Variants in GRK5 observed in about 807,000 individuals in gnomAD.
The protein encoded by GRK5 is G protein-coupled receptor kinase 5.
Under a neutral mutation model 78.4 loss-of-function variants are expected in GRK5, and 40 were observed. The ratio of observed to expected loss-of-function variants is 0.51; its 90% CI spans 0.40 to 0.66. The LOEUF (loss-of-function observed/expected upper bound fraction) is 0.66. Ranked by LOEUF, GRK5 falls within the 30% of genes least tolerant of loss-of-function variation. GRK5 has a pLI of 0.00. For missense variants in GRK5, 598 were observed against 759.9 expected, an observed-to-expected ratio of 0.79 and a Z score of 2.50; for synonymous variants, 289 against 296.8, an observed-to-expected ratio of 0.97 and a Z score of 0.27.
intron 15 of GRK5, among the ~76,000 whole-genome samples, chr10:119,453,836 C>T (rs753122266): frequency 6.6e-6 from 1 of 152,230 alleles, no homozygotes. Context: ...CCATCCAATG[C>T]TGTGCCCTCT....
At chr10:119,272,192 G>A (rs1433234232) in intron 1 of GRK5, among the ~76,000 whole-genome samples, 6 of 152,202 alleles carry the variant, frequency 3.9e-5, no homozygotes, top group African/African-American at 7.2e-5. Flanking sequence ...TAAATGGGAC[G>A]GTCCTGGGTT....
chr10:119,321,501 C>A (rs1556710), intron 1 of GRK5, among the ~76,000 whole-genome samples: 104,919 of 152,138 alleles, frequency 0.69, 37,899 homozygotes, highest in Non-Finnish European at 0.79. Flanking sequence ...CCAAGCCAGC[C>A]AATGGCTGGT....
At chr10:119,236,179 G>A (rs1021089491) in intron 1 of GRK5, among the ~76,000 whole-genome samples, 1 of 151,270 alleles carries the variant, frequency 6.6e-6, no homozygotes, top group Non-Finnish European at 1.5e-5. Flanking sequence ...AGTTCTTATT[G>A]TCTAGCCCAG....
At chr10:119,450,826 T>A (rs899648113) in intron 13 of GRK5, among the ~76,000 whole-genome samples, 18 of 152,030 alleles carry the variant, frequency 1.2e-4, no homozygotes, top group Non-Finnish European at 2.6e-4. Flanking sequence ...GCCCAGGGCC[T>A]CTGTTCCTGG....
intron 1 of GRK5, among the ~76,000 whole-genome samples, chr10:119,226,313 A>AT (rs746259846): frequency 0.022 from 2,417 of 108,762 alleles, 75 homozygotes; most frequent in African/African-American, 0.066. Context: ...TTTAATTTTA[A>AT]TTTTTTTTTT....
intron 1 of GRK5, among the ~76,000 whole-genome samples, chr10:119,257,093 C>A (rs996996069): frequency 6.6e-6 from 1 of 152,234 alleles, no homozygotes; most frequent in Non-Finnish European, 1.5e-5. Context: ...AATAATATTC[C>A]ATTGGATGGA....
At position 119,308,626 on chromosome 10, in the gene GRK5, C is replaced by T. The variant is rs150296174; in HGVS notation, c.53-17890C>T. Among the ~76,000 whole-genome samples, 202 of 152,354 alleles carry T rather than the reference C, an allele frequency of 1.3e-3. 5 individuals are homozygous for T. In the South Asian group the frequency reaches 0.027, roughly 20 times the overall value. ...CGGTGACGTTGGGCCGGTCAGCCCG[C>T]GTCTTCGTAGCTTCAATGGCTTCTC... On this transcript the variant is annotated intron_variant, in intron 1 of 15. Transcript: ENST00000392870.
chr10:119,436,835 T>C lies in GRK5; in HGVS notation c.923T>C (p.Val308Ala), dbSNP rs1203150330. ...GAAGACCTCCACCGTGAGAACACCG[T>C]CTACCGGTGAGTGGAAGGCACCAAG... ...GLEDLHRENT[V>A]YRDLKPENIL... Residue 308 changes from valine (V) to alanine (A), a missense_variant, in exon 9 of 16, where the codon GTC (valine) becomes GCC (alanine). Physicochemically the swap from Val to Ala is moderately conservative, Grantham distance 64. Transcript: ENST00000392870. 2 of 1,597,788 alleles carry C rather than the reference T, an allele frequency of 1.3e-6. No homozygotes were observed. Among genetic ancestry groups the C allele is most frequent in the African/African-American group, 1.3e-5 (1 of 74,602 alleles).
At chr10:119,211,758 T>G (rs1289914128) in intron 1 of GRK5, 1 of 152,226 alleles carries the variant, frequency 6.6e-6, no homozygotes, top group Non-Finnish European at 1.5e-5. Context: ...TCATCAAGAT[T>G]AGCACCTCGG....
intron 1 of GRK5, among the ~76,000 whole-genome samples, chr10:119,258,307 T>C (rs141097012): frequency 5.4e-4 from 83 of 152,374 alleles, no homozygotes; most frequent in African/African-American, 1.9e-3. Context: ...GAGCAAGAGT[T>C]CAGGGTTTGT....
intron 2 of GRK5, among the ~76,000 whole-genome samples, chr10:119,329,857 C>CTTTT (rs1177940254): frequency 4.3e-4 from 48 of 110,368 alleles, no homozygotes; most frequent in African/African-American, 6.7e-4. Flanking sequence ...CAGACACCTA[C>CTTTT]TTTTTTTTTT....
intron 8 of GRK5, among the ~76,000 whole-genome samples, chr10:119,435,246 A>G (rs1474754280): frequency 2.0e-5 from 3 of 152,226 alleles, no homozygotes; most frequent in Admixed American, 2.0e-4. Context: ...ATTAACATTC[A>G]GCTCCTTGTT....
chr10:119,262,899 A>T (rs1284283993), intron 1 of GRK5, among the ~76,000 whole-genome samples: 5 of 152,260 alleles, frequency 3.3e-5, no homozygotes, highest in African/African-American at 1.2e-4. Flanking sequence ...TCTAAAAATT[A>T]TTCCATGGCA....
intron 1 of GRK5, among the ~76,000 whole-genome samples, chr10:119,292,962 T>C (rs1450421481): frequency 6.6e-6 from 1 of 152,078 alleles, no homozygotes; most frequent in Non-Finnish European, 1.5e-5. Context: ...CAAAGCACCC[T>C]CTAATCATTG....
intron 1 of GRK5, among the ~76,000 whole-genome samples, chr10:119,321,719 G>T (rs1034860897): frequency 1.3e-5 from 2 of 152,134 alleles, no homozygotes; most frequent in South Asian, 2.1e-4. Flanking sequence ...ATCCCTGAGG[G>T]CGTTATCCTG....
At chr10:119,365,028 C>G (rs957523485) in intron 2 of GRK5, among the ~76,000 whole-genome samples, 2 of 152,102 alleles carry the variant, frequency 1.3e-5, no homozygotes, top group Admixed American at 1.3e-4. Flanking sequence ...CAGTTACAGA[C>G]CTGTTTCAAG....
chr10:119,378,651 A>G lies in GRK5; in HGVS notation c.149-2164A>G, dbSNP rs2133828480. ...GCCTTCAGGGCTCCTCTCTCCGCTCATCTCCGCTTGTGTGCGGGCTGCGCC... is the reference window on the plus strand; with the variant it reads ...GCCTTCAGGGCTCCTCTCTCCGCTCGTCTCCGCTTGTGTGCGGGCTGCGCC... On this transcript the variant is annotated intron_variant, in intron 2 of 15. Transcript: ENST00000392870. This position sits in a 1 kb window ranked among gnomAD's most constrained non-coding sequence, Gnocchi z 4.5. Among the ~76,000 whole-genome samples the G allele has an allele frequency of 6.9e-6, 1 of 145,866 alleles. No homozygotes were observed. The highest frequency in any genetic ancestry group is 3.4e-3 in the Middle Eastern group (1 of 290).
chr10:119,380,632 CCTT>C (rs1368389381), intron 2 of GRK5, among the ~76,000 whole-genome samples, 180 bp from the exon 3 acceptor site: 5 of 152,180 alleles, frequency 3.3e-5, no homozygotes, highest in Non-Finnish European at 7.3e-5. Flanking sequence ...ATCACTGGTG[CCTT>C]CTTCTACACT....
At chr10:119,241,415 CTT>C (rs1193670989) in intron 1 of GRK5, among the ~76,000 whole-genome samples, 6 of 152,222 alleles carry the variant, frequency 3.9e-5, no homozygotes, top group African/African-American at 7.2e-5. Context: ...TTCAATAAGA[CTT>C]TGCCAAAATG....
Sources: gnomAD v4.1 joint callset for allele counts (sites outside exome capture counted in the v4.1 genomes callset) on GRCh38, gnomAD v4.1.1 for gene constraint, Gnocchi (gnomAD v3.1) non-coding constraint, MANE v1.5 for transcripts, NCBI Gene and HGNC (gene_info 2026-07-23, HGNC 2026-07-21) for gene names.